Variants in RARB observed in about 807,000 individuals in gnomAD.
RARB encodes the protein HBV-activated protein.
A neutral mutation model predicts 51.9 loss-of-function variants in RARB; 17 were observed. The observed-to-expected ratio is 0.33, with a 90% CI of 0.22 to 0.49. The LOEUF is 0.49. Among genes scored for constraint, RARB ranks in the 20% least tolerant of loss-of-function variants. RARB has a pLI of 0.99. For missense variants in RARB, 369 were observed against 550.8 expected (o/e 0.67, Z 3.30); for synonymous variants, 215 against 195.4 (o/e 1.10, Z -0.84).
chr3:24,840,742 TAAAA>T (rs55771334), intron 1 of RARB, among the ~76,000 whole-genome samples: 2 of 70,360 alleles, frequency 2.8e-5, no homozygotes, highest in African/African-American at 5.5e-5. Context: ...TGAGTAAGAG[TAAAA>T]AAAAAAAAAA....
At chr3:25,258,086 C>A (rs190187603) in intron 5 of RARB, among the ~76,000 whole-genome samples, 3 of 152,188 alleles carry the variant, frequency 2.0e-5, no homozygotes, top group East Asian at 3.9e-4. Context: ...AAGGCAGTGC[C>A]ACAGAATACA....
At chr3:25,134,201 T>G (rs1699996137) in intron 4 of RARB, among the ~76,000 whole-genome samples, 1 of 151,930 alleles carries the variant, frequency 6.6e-6, no homozygotes. Context: ...TGGTAACATT[T>G]AACTGTTTTC....
chr3:24,852,172 C>T (rs1035817180), intron 1 of RARB, among the ~76,000 whole-genome samples: 1 of 152,154 alleles, frequency 6.6e-6, no homozygotes, highest in Non-Finnish European at 1.5e-5. Flanking sequence ...ATTTAAAAGA[C>T]ATTACATACA....
At chr3:24,906,113 G>A (rs1181179309) in intron 2 of RARB, among the ~76,000 whole-genome samples, 1 of 152,202 alleles carries the variant, frequency 6.6e-6, no homozygotes, top group Non-Finnish European at 1.5e-5. Flanking sequence ...CAGCCAATAA[G>A]CATGAGGACC....
chr3:25,469,332 T>A (rs1695586172), intron 2 of RARB, among the ~76,000 whole-genome samples: 1 of 152,222 alleles, frequency 6.6e-6, no homozygotes, highest in South Asian at 2.1e-4. Context: ...TTGTTGTTTT[T>A]AATTGGAGTG....
chr3:25,320,810 C>T (rs1421992443), intron 5 of RARB, among the ~76,000 whole-genome samples: 3 of 152,136 alleles, frequency 2.0e-5, no homozygotes, highest in East Asian at 3.8e-4. Context: ...TCCCAGTGAA[C>T]TCATCGGCTC....
chr3:25,410,970 T>A (rs1277651737), intron 5 of RARB, among the ~76,000 whole-genome samples: 1 of 152,220 alleles, frequency 6.6e-6, no homozygotes, highest in African/African-American at 2.4e-5. Context: ...ACAGAAGCAT[T>A]TGAAACATTT....
intron 2 of RARB, among the ~76,000 whole-genome samples, chr3:25,003,841 G>A (rs978613473): frequency 6.6e-6 from 1 of 152,052 alleles, no homozygotes; most frequent in Non-Finnish European, 1.5e-5. Context: ...TTCACTGATG[G>A]GATCTTTATT....
chr3:25,412,287 C>A (rs1707583191), intron 5 of RARB, among the ~76,000 whole-genome samples: 1 of 152,142 alleles, frequency 6.6e-6, no homozygotes, highest in Admixed American at 6.5e-5. Flanking sequence ...AAAATTACAT[C>A]TTAATATATT....
chr3:24,879,197 C>T (rs540402209), intron 2 of RARB, among the ~76,000 whole-genome samples: 9 of 150,988 alleles, frequency 6.0e-5, no homozygotes, highest in East Asian at 4.0e-4. Context: ...TGGGAGGCCG[C>T]GGCCGGCGGA....
chr3:25,086,119 C>T (rs1484835131), intron 3 of RARB, among the ~76,000 whole-genome samples: 1 of 152,112 alleles, frequency 6.6e-6, no homozygotes. Flanking sequence ...GAGGTTCAGT[C>T]AACTATTAAT....
chr3:25,149,164 T>G (rs1195752609), intron 4 of RARB, among the ~76,000 whole-genome samples: 1 of 152,006 alleles, frequency 6.6e-6, no homozygotes, highest in Non-Finnish European at 1.5e-5. Context: ...GGTGATGAGA[T>G]TGGGGAGGAG....
At chr3:24,936,238 G>A (rs1042649120) in intron 2 of RARB, among the ~76,000 whole-genome samples, 2 of 152,072 alleles carry the variant, frequency 1.3e-5, no homozygotes, top group Non-Finnish European at 2.9e-5. Context: ...GATGGTGATG[G>A]AACACAGAGA....
At position 24,901,815 on chromosome 3, in the gene RARB, A is replaced by G. The variant is rs1039588703; in HGVS notation, c.-380+43063A>G. 5.3e-5 allele frequency among the ~76,000 whole-genome samples: 8 copies of G among 152,224 alleles called. No individual in the cohort carries two copies. The South Asian group carries it at 1.4e-3, about 28-fold the overall frequency. On this transcript the variant is annotated intron_variant, in intron 2 of 11. Coordinates refer to the RARB transcript ENST00000383772. ...AATAGCAGTTTTAAGATGTACAGCC[A>G]TTAGGCCGTTATGTAGGGCCAACAT...
intron 3 of RARB, among the ~76,000 whole-genome samples, chr3:25,064,843 G>A (rs1455916159): frequency 6.6e-6 from 1 of 152,142 alleles, no homozygotes; most frequent in East Asian, 1.9e-4. Context: ...CATTGATGCT[G>A]TTAGATGCCA....
At chr3:25,166,922 A>T (rs1198829408) in intron 4 of RARB, among the ~76,000 whole-genome samples, 1 of 152,170 alleles carries the variant, frequency 6.6e-6, no homozygotes, top group Non-Finnish European at 1.5e-5. Flanking sequence ...AATCCCATCT[A>T]TATTTTATTT....
At chr3:25,095,250 T>G (rs930205335) in intron 3 of RARB, among the ~76,000 whole-genome samples, 7 of 152,214 alleles carry the variant, frequency 4.6e-5, no homozygotes, top group Non-Finnish European at 1.0e-4. Flanking sequence ...CAGGTGATAC[T>G]GATATGCAGC....
intron 2 of RARB, among the ~76,000 whole-genome samples, chr3:24,897,784 A>G (rs1169541805): frequency 6.6e-6 from 1 of 151,284 alleles, no homozygotes; most frequent in African/African-American, 2.4e-5. Context: ...TTTTGTTACA[A>G]TTTGGGTAAA....
chr3:24,840,742 T>TAAAAAAAAAAAAAAAAA (rs55771334), intron 1 of RARB, among the ~76,000 whole-genome samples: 1 of 70,358 alleles, frequency 1.4e-5, no homozygotes. Context: ...TGAGTAAGAG[T>TAAAAAAAAAAAAAAAAA]AAAAAAAAAA....
Sources: gnomAD v4.1 joint callset for allele counts (sites outside exome capture counted in the v4.1 genomes callset) on GRCh38, gnomAD v4.1.1 for gene constraint, MANE v1.5 for transcripts, NCBI Gene and HGNC (gene_info 2026-07-23, HGNC 2026-07-21) for gene names.